Variants in TMEM132D observed in about 807,000 individuals in gnomAD.
TMEM132D encodes mature OL transmembrane protein.
Under a neutral mutation model 62.3 loss-of-function variants are expected in TMEM132D, and 21 were observed. The observed-to-expected ratio is 0.34, with a 90% CI of 0.24 to 0.49. The LOEUF is 0.49. TMEM132D is among the 20% of genes least tolerant of loss of function. TMEM132D has a pLI of 0.99. For missense variants in TMEM132D, 1,346 were observed against 1,402.8 expected, an observed-to-expected ratio of 0.96 and a Z score of 0.65; for synonymous variants, 621 against 575.6, an observed-to-expected ratio of 1.08 and a Z score of -1.13.
chr12:129,264,692 A>G (rs565976499), intron 4 of TMEM132D, among the ~76,000 whole-genome samples: 78 of 152,366 alleles, frequency 5.1e-4, no homozygotes, highest in African/African-American at 1.7e-3. Context: ...CAATGAGTGG[A>G]TAAAGAAATT....
intron 1 of TMEM132D, among the ~76,000 whole-genome samples, chr12:129,792,318 A>G (rs1483394934): frequency 6.6e-6 from 1 of 152,164 alleles, no homozygotes; most frequent in Non-Finnish European, 1.5e-5. Context: ...ATCATCCTGA[A>G]TAGGCTATTT....
chr12:129,327,963 A>G (rs961132136), intron 4 of TMEM132D, among the ~76,000 whole-genome samples: 2 of 152,116 alleles, frequency 1.3e-5, no homozygotes, highest in African/African-American at 4.8e-5. Flanking sequence ...CCCACTCACT[A>G]TCTCCAGTTG....
intron 2 of TMEM132D, among the ~76,000 whole-genome samples, chr12:129,559,994 C>T (rs1188588161): frequency 6.6e-6 from 1 of 152,134 alleles, no homozygotes; most frequent in Non-Finnish European, 1.5e-5. Flanking sequence ...GATGGAAAAC[C>T]AACAGCTGTT....
In TMEM132D at chr12:129,383,973, T is replaced by A. The variant is rs111294119; in HGVS notation, c.1116-46156A>T. ...ACAACACCGCAGTCACCCAGTATCC[T>A]CTGCCTCCCGAAAGCTGTAGAACCT... On this transcript the variant is annotated intron_variant, in intron 3 of 8. Transcript: ENST00000422113. Among the ~76,000 whole-genome samples the A allele has an allele frequency of 8.2e-3, 1,256 of 152,330 alleles. 21 individuals carry two copies. Among genetic ancestry groups the A allele is most frequent in the African/African-American group, 0.029 (1,187 of 41,572 alleles).
At chr12:129,533,033 G>A (rs1876273713) in intron 2 of TMEM132D, among the ~76,000 whole-genome samples, 2 of 152,108 alleles carry the variant, frequency 1.3e-5, no homozygotes, top group Non-Finnish European at 2.9e-5. Flanking sequence ...CGCTGGACCT[G>A]GGGGTGGTCT....
chr12:129,226,919 C>T (rs1022320338), intron 4 of TMEM132D, among the ~76,000 whole-genome samples: 2 of 152,148 alleles, frequency 1.3e-5, no homozygotes, highest in Admixed American at 6.5e-5. Flanking sequence ...CATTCTGAGC[C>T]GCCTGAAGAA....
chr12:129,322,541 G>A (rs944191220), intron 4 of TMEM132D, among the ~76,000 whole-genome samples: 3 of 151,970 alleles, frequency 2.0e-5, no homozygotes, highest in Admixed American at 6.6e-5. Flanking sequence ...ATCGTTTCTC[G>A]GTGGTTGAAT....
intron 4 of TMEM132D, among the ~76,000 whole-genome samples, chr12:129,223,916 C>G (rs1003928988): frequency 6.6e-6 from 1 of 152,184 alleles, no homozygotes; most frequent in African/African-American, 2.4e-5. Context: ...AGACTTGACA[C>G]TATTGATATT....
intron 2 of TMEM132D, among the ~76,000 whole-genome samples, chr12:129,546,705 G>T (rs1049195268): frequency 9.2e-5 from 14 of 151,992 alleles, no homozygotes; most frequent in Non-Finnish European, 1.9e-4. Context: ...GGAGGCTGAG[G>T]CAGGAGAATT....
At chr12:129,761,517 G>T (rs1870376563) in intron 1 of TMEM132D, among the ~76,000 whole-genome samples, 1 of 152,150 alleles carries the variant, frequency 6.6e-6, no homozygotes. Flanking sequence ...ACAAGCACGT[G>T]AACAAGGCAC....
chr12:129,536,527 A>G (rs780414651), intron 2 of TMEM132D, among the ~76,000 whole-genome samples: 1 of 152,228 alleles, frequency 6.6e-6, no homozygotes, highest in East Asian at 1.9e-4. Context: ...CTACATCAAC[A>G]TGTTGATATA....
rs1555235284 is a variant in TMEM132D at position 129,185,773 on chromosome 12, G to GTCTATCTATCTATCTA, written c.1443+23731_1443+23746dup. Among the ~76,000 whole-genome samples, 465 of 136,008 alleles carry GTCTATCTATCTATCTA rather than the reference G, an allele frequency of 3.4e-3. 3 individuals carry two copies. Among genetic ancestry groups the GTCTATCTATCTATCTA allele is most frequent in the South Asian group, 0.01 (43 of 4,138 alleles). The allele number at this position is 136,008 out of a possible 152,430, so 89.2% of individuals were successfully genotyped here. The stretch of plus-strand genomic sequence containing the variant: ...TCTTTTATCCATCATCTGTCTGTCT[G>GTCTATCTATCTATCTA]TCTATCTATCTATCTATCTATCTAT... On this transcript the variant is annotated intron_variant, in intron 5 of 8. Transcript: ENST00000422113.
At chr12:129,136,608 T>G (rs1262699191) in intron 5 of TMEM132D, among the ~76,000 whole-genome samples, 2 of 152,132 alleles carry the variant, frequency 1.3e-5, no homozygotes, top group African/African-American at 4.8e-5. Context: ...TAAAACAAAT[T>G]ATCACCATCA....
chr12:129,512,451 C>T (rs182926768), intron 3 of TMEM132D, among the ~76,000 whole-genome samples: 43 of 152,288 alleles, frequency 2.8e-4, no homozygotes, highest in African/African-American at 1.0e-3. Flanking sequence ...ATAGCCAGCA[C>T]AGAGACGAAC....
rs77618608 is a variant in TMEM132D at position 129,598,758 on chromosome 12, G to C, written c.969-67553C>G. 3.1e-4 allele frequency among the ~76,000 whole-genome samples: 47 copies of C among 152,218 alleles called. No homozygotes were observed. The East Asian group carries it at 8.7e-3, about 28-fold the overall frequency. On this transcript the variant is annotated intron_variant, in intron 2 of 8. Coordinates refer to ENST00000422113, the MANE Select transcript of TMEM132D (RefSeq NM_133448.3). ...TTGTAAAGATCTATGTTTTGGTAAC[G>C]ATTGCAGAAATTTTTCTGCTTTTCA...
At chr12:129,745,730 C>A (rs1350457813) in intron 1 of TMEM132D, among the ~76,000 whole-genome samples, 3 of 152,192 alleles carry the variant, frequency 2.0e-5, no homozygotes, top group Non-Finnish European at 4.4e-5. Flanking sequence ...GGAGGTAACT[C>A]TGGAACAGAG....
intron 3 of TMEM132D, among the ~76,000 whole-genome samples, chr12:129,483,707 C>T (rs904814718): frequency 8.5e-5 from 13 of 152,294 alleles, no homozygotes; most frequent in South Asian, 2.1e-4. Context: ...AAAATACCCA[C>T]GTCAACGCTC....
intron 3 of TMEM132D, among the ~76,000 whole-genome samples, chr12:129,405,522 C>A (rs763173921): frequency 6.6e-6 from 1 of 152,128 alleles, no homozygotes; most frequent in Non-Finnish European, 1.5e-5. Flanking sequence ...TGTGGGTCCC[C>A]GACAGAGGCA....
At chr12:129,432,837 G>A (rs1872698229) in intron 3 of TMEM132D, among the ~76,000 whole-genome samples, 1 of 152,108 alleles carries the variant, frequency 6.6e-6, no homozygotes, top group African/African-American at 2.4e-5. Context: ...CAGATGGATG[G>A]GTCAGTGCAA....
Sources: gnomAD v4.1 joint callset for allele counts (sites outside exome capture counted in the v4.1 genomes callset) on GRCh38, gnomAD v4.1.1 for gene constraint, MANE v1.5 for transcripts, NCBI Gene and HGNC (gene_info 2026-07-23, HGNC 2026-07-21) for gene names.